Variants in FANCM observed in about 807,000 individuals in gnomAD.
FANCM encodes FA complementation group M.
FANCM carries 140 observed loss-of-function variants against 199.5 expected under a neutral mutation model. The observed-to-expected ratio is 0.70, with a 90% CI of 0.61 to 0.81. The LOEUF (loss-of-function observed/expected upper bound fraction) is 0.81, where lower values mean the gene tolerates loss of function less well. Ranked by LOEUF, FANCM falls within the 30% of genes least tolerant of loss-of-function variation. The pLI, the probability that FANCM is intolerant of heterozygous loss-of-function variation, is 0.00. For missense variants in FANCM, 2,410 were observed against 2,421.4 expected (o/e 1.00, Z 0.10); for synonymous variants, 840 against 836.8 (o/e 1.00, Z -0.07).
chr14:45,146,240 GAAAAAAAA>G (rs143430263), intron 3 of FANCM, among the ~76,000 whole-genome samples: 1 of 93,182 alleles, frequency 1.1e-5, no homozygotes, highest in Non-Finnish European at 2.0e-5. Context: ...GACTCCGTCT[GAAAAAAAA>G]AAAAAAAAAA....
intron 2 of FANCM, 141 bp downstream of exon 2, chr14:45,137,382 TAAAG>T (rs1885598406): frequency 1.5e-6 from 1 of 684,206 alleles, no homozygotes; most frequent in African/African-American, 1.8e-5. Flanking sequence ...CAGATGGTGA[TAAAG>T]AATATCTGTA....
intron 2 of FANCM, chr14:45,137,510 C>A (rs1193598508): frequency 4.6e-6 from 2 of 435,464 alleles, no homozygotes; most frequent in Non-Finnish European, 8.4e-6. Flanking sequence ...AGATGTAGAT[C>A]ATGAGAGCCT....
chr14:45,197,950 G>A (rs1890158717), intron 21 of FANCM, among the ~76,000 whole-genome samples: 1 of 151,096 alleles, frequency 6.6e-6, no homozygotes, highest in Admixed American at 6.6e-5. Context: ...TATATTTTTT[G>A]TAGAGACGAG....
chr14:45,182,526 G>C (rs576991087), intron 16 of FANCM, among the ~76,000 whole-genome samples: 6 of 152,312 alleles, frequency 3.9e-5, no homozygotes, highest in Admixed American at 2.6e-4. Flanking sequence ...ACAGGTTTGA[G>C]TTTGAAGTTT....
At chr14:45,191,823 A>G (rs1370894427) in intron 20 of FANCM, among the ~76,000 whole-genome samples, 1 of 152,186 alleles carries the variant, frequency 6.6e-6, no homozygotes, top group Non-Finnish European at 1.5e-5. Context: ...CATGTATATT[A>G]CAAACAGTAT....
intron 11 of FANCM, 136 bp downstream of exon 11, chr14:45,167,299 A>G (rs1888053889): frequency 4.4e-6 from 3 of 676,614 alleles, no homozygotes; most frequent in Admixed American, 2.2e-5. Flanking sequence ...CTCTTTGGAA[A>G]GGCTGTACGA....
chr14:45,158,123 A>G lies in FANCM; in HGVS notation c.1397-973A>G, dbSNP rs547893234. Among the ~76,000 whole-genome samples, 4 of 152,288 alleles carry G rather than the reference A, an allele frequency of 2.6e-5. No homozygotes were observed. The East Asian group carries it at 7.7e-4, about 29-fold the overall frequency. On this transcript the variant is annotated intron_variant, in intron 8 of 22. Transcript: ENST00000267430. ...TGAGGTGGGAGGATCACCTGAGCCC[A>G]AGAGGTCGAAGCTGTAGTGAGCCAT...
intron 2 of FANCM, among the ~76,000 whole-genome samples, chr14:45,139,304 A>AT (rs1470085801): frequency 5.3e-5 from 8 of 152,090 alleles, no homozygotes; most frequent in African/African-American, 1.2e-4. Context: ...CTCGATAAAT[A>AT]TTTTTTCAGT....
chr14:45,178,343 C>T (rs373507550), intron 14 of FANCM, among the ~76,000 whole-genome samples: 2 of 152,184 alleles, frequency 1.3e-5, no homozygotes, highest in East Asian at 1.9e-4. Flanking sequence ...ATGAAGTCCA[C>T]GTTAATGAGT....
chr14:45,184,780 T>G (rs1263215640), intron 17 of FANCM, among the ~76,000 whole-genome samples: 1 of 151,780 alleles, frequency 6.6e-6, no homozygotes, highest in Non-Finnish European at 1.5e-5. Flanking sequence ...GATTTTCTTT[T>G]TTTTTTTTTT....
intron 21 of FANCM, 102 bp downstream of exon 21, chr14:45,196,649 T>C (rs755188312): frequency 4.7e-5 from 52 of 1,109,250 alleles, no homozygotes; most frequent in Middle Eastern, 2.9e-4. Flanking sequence ...TCTTAAAATA[T>C]AAACACCTGA....
At position 45,181,432 on chromosome 14, in the gene FANCM, G is replaced by A. The variant is rs769019952; in HGVS notation, c.4225G>A (p.Gly1409Arg). ...LHKSCHSVED[G>R]QLLTSNESED... ...TTATTTTAAAAAATAAATTATAGAT[G>A]GACAATTATTAACAAGTAACGAAAG... Residue 1409 changes from glycine to arginine, a missense_variant and splice_region_variant, in exon 15 of 23, where the codon GGA becomes AGA. By Grantham distance (125) the Gly-to-Arg change is moderately radical. Transcript: ENST00000267430. 6.5e-7 allele frequency: 1 copy of A among 1,531,880 alleles called. No individual in the cohort carries two copies. Among genetic ancestry groups the A allele is most frequent in the Admixed American group, 1.7e-5 (1 of 59,706 alleles). 94.9% of individuals were successfully genotyped at this position (1,531,880 alleles called of 1,614,324 possible). A position where few individuals can be genotyped will look rare whatever the true frequency, so the allele number is the denominator to read the frequency against.
intron 8 of FANCM, among the ~76,000 whole-genome samples, chr14:45,158,055 T>C (rs1887322707): frequency 6.6e-6 from 1 of 151,840 alleles, no homozygotes; most frequent in Non-Finnish European, 1.5e-5. Context: ...AAAATGTAGC[T>C]GGGCATGGTG....
In FANCM at chr14:45,187,764, T is replaced by G; in HGVS notation, c.4673-17T>G. On this transcript the variant is annotated splice_polypyrimidine_tract_variant and intron_variant, in intron 18 of 22. Transcript: ENST00000267430. ...AAATAATTTTGCTAATTTATCTAAA[T>G]TCTTATCTTTACACAGATTCTGAAA... 2 of 1,275,434 alleles carry G rather than the reference T, an allele frequency of 1.6e-6. No individual in the cohort carries two copies. The highest frequency in any genetic ancestry group is 1.1e-6 in the Non-Finnish European group (1 of 874,762). 79.0% of individuals were successfully genotyped at this position (1,275,434 alleles called of 1,614,324 possible).
At chr14:45,152,069 C>A (rs1052949033) in intron 5 of FANCM, among the ~76,000 whole-genome samples, 10 of 149,656 alleles carry the variant, frequency 6.7e-5, no homozygotes, top group African/African-American at 2.5e-4. Context: ...CGCTCTATTG[C>A]CCAAGCCGGT....
chr14:45,169,616 G>T (rs1594790752), intron 11 of FANCM, among the ~76,000 whole-genome samples: 2 of 151,784 alleles, frequency 1.3e-5, no homozygotes, highest in East Asian at 3.9e-4. Context: ...GCCTAGGCTG[G>T]ACTCAAACTC....
At position 45,143,287 on chromosome 14, in the gene FANCM, C is replaced by A. The variant is rs541596249; in HGVS notation, c.759+2578C>A. Among the ~76,000 whole-genome samples the A allele has an allele frequency of 6.8e-4, 104 of 151,960 alleles. 2 individuals carry two copies. The highest frequency in any genetic ancestry group is 2.4e-3 in the African/African-American group (98 of 41,340). On this transcript the variant is annotated intron_variant, in intron 3 of 22. Transcript: ENST00000267430. Reference sequence around the variant, plus strand: ...GCTCAGGTGGTTCTCCCACGTCAGCCTCCTGAGGAGCTGGGACTACAGGTG... The same window carrying A: ...GCTCAGGTGGTTCTCCCACGTCAGCATCCTGAGGAGCTGGGACTACAGGTG...
intron 14 of FANCM, among the ~76,000 whole-genome samples, chr14:45,180,068 G>T (rs1888972049): frequency 6.6e-6 from 1 of 152,128 alleles, no homozygotes; most frequent in Non-Finnish European, 1.5e-5. Flanking sequence ...TAGTTCCAAA[G>T]CGACTTTCCC....
intron 21 of FANCM, among the ~76,000 whole-genome samples, chr14:45,198,085 G>A (rs758542831): frequency 6.6e-6 from 1 of 152,034 alleles, no homozygotes; most frequent in East Asian, 1.9e-4. Flanking sequence ...AAAAGTCAGG[G>A]ATAAAGGAAA....
Sources: allele counts gnomAD v4.1 joint callset (sites outside exome capture counted in the v4.1 genomes callset), GRCh38; gene constraint gnomAD v4.1.1; transcripts MANE v1.5; gene names NCBI Gene and HGNC (gene_info 2026-07-23, HGNC 2026-07-21).